The following DIS3L2 variants were observed in gnomAD, a reference collection of about 807,000 sequenced individuals.
DIS3L2 encodes the protein DIS3 like 3'-5' exoribonuclease 2, also known as DIS3-like exonuclease 2.
In DIS3L2, 34 loss-of-function variants were observed where a neutral mutation model predicts 97.5. The ratio of observed to expected loss-of-function variants is 0.35; its 90% confidence interval spans 0.27 to 0.46. The LOEUF is 0.46. DIS3L2 is among the 20% of genes least tolerant of loss of function. DIS3L2 has a pLI of 1.00. For synonymous variants in DIS3L2, 435 were observed against 445.2 expected (o/e 0.98, Z 0.29); for missense variants, 1,038 against 1,146.0 (o/e 0.91, Z 1.36).
At chr2:232,094,486 G>A (rs1038090525) in intron 6 of DIS3L2, among the ~76,000 whole-genome samples, 1 of 152,090 alleles carries the variant, frequency 6.6e-6, no homozygotes, top group African/African-American at 2.4e-5. Context: ...AGGAGGCCAA[G>A]GAAGGTGGAT....
chr2:232,095,804 T>G (rs1696989298), intron 6 of DIS3L2, among the ~76,000 whole-genome samples: 2 of 152,286 alleles, frequency 1.3e-5, no homozygotes, highest in South Asian at 4.1e-4. Context: ...TATTTCTCCT[T>G]GATGTTTGAA....
At chr2:232,041,466 G>A (rs1175761255) in intron 5 of DIS3L2, among the ~76,000 whole-genome samples, 2 of 152,184 alleles carry the variant, frequency 1.3e-5, no homozygotes, top group African/African-American at 2.4e-5. Flanking sequence ...CACTGGGCTA[G>A]GAGTCAAGGA....
intron 9 of DIS3L2, among the ~76,000 whole-genome samples, chr2:232,171,887 A>G (rs1489792413): frequency 6.6e-6 from 1 of 152,226 alleles, no homozygotes; most frequent in Non-Finnish European, 1.5e-5. Context: ...TCAAAGATCA[A>G]TAGATTTTTG....
intron 10 of DIS3L2, among the ~76,000 whole-genome samples, chr2:232,228,857 A>G (rs894955036): frequency 7.2e-5 from 11 of 152,198 alleles, no homozygotes; most frequent in African/African-American, 2.7e-4. Flanking sequence ...ACTCAAAACC[A>G]TTGTTACCTT....
chr2:232,323,763 G>A (rs1380692107), intron 14 of DIS3L2, among the ~76,000 whole-genome samples: 5 of 152,178 alleles, frequency 3.3e-5, no homozygotes, highest in African/African-American at 1.2e-4. Context: ...CAGAGGCCAC[G>A]GCACCCTCTG....
At chr2:231,976,628 C>CAA (rs763912124) in intron 1 of DIS3L2, among the ~76,000 whole-genome samples, 1 of 122,542 alleles carries the variant, frequency 8.2e-6, no homozygotes. Context: ...GACCCTCTCT[C>CAA]AAAAAAAAAA....
intron 9 of DIS3L2, among the ~76,000 whole-genome samples, chr2:232,187,529 G>A (rs1212890646): frequency 6.6e-6 from 1 of 151,952 alleles, no homozygotes; most frequent in South Asian, 2.1e-4. Flanking sequence ...TGCAACCTCC[G>A]CCTCCCAGGT....
chr2:232,130,572 T>C (rs747478295), intron 6 of DIS3L2, 47 bp from the exon 7 acceptor site: 4 of 1,567,598 alleles, frequency 2.6e-6, no homozygotes, highest in Middle Eastern at 1.7e-4. Context: ...CTAATTGATA[T>C]GCATCTGGTT....
At chr2:232,339,422 G>A (rs376051134), downstream of DIS3L2, among the ~76,000 whole-genome samples, 5 of 152,298 alleles carry the variant, frequency 3.3e-5, no homozygotes, top group Admixed American at 3.3e-4. Flanking sequence ...CCAGGTGCCA[G>A]GAGGAAGGGC....
intron 14 of DIS3L2, among the ~76,000 whole-genome samples, chr2:232,311,224 A>C (rs12612231): frequency 6.6e-6 from 1 of 152,140 alleles, no homozygotes; most frequent in African/African-American, 2.4e-5. Context: ...GTGTACACAC[A>C]CAGGAACACT....
chr2:232,216,087 C>G (rs995310027), intron 10 of DIS3L2, among the ~76,000 whole-genome samples: 1 of 152,258 alleles, frequency 6.6e-6, no homozygotes, highest in Non-Finnish European at 1.5e-5. Flanking sequence ...CTAGAACTTT[C>G]ACTTGTGTCT....
chr2:232,079,599 CAAAAAAAAA>C (rs760870721), intron 5 of DIS3L2, among the ~76,000 whole-genome samples: 4 of 29,614 alleles, frequency 1.4e-4, no homozygotes, highest in African/African-American at 5.2e-4. Context: ...GACTCTATCT[CAAAAAAAAA>C]AAAAAAAAAA....
chr2:232,272,057 A>G (rs1282983967), intron 13 of DIS3L2, among the ~76,000 whole-genome samples: 1 of 152,216 alleles, frequency 6.6e-6, no homozygotes, highest in Non-Finnish European at 1.5e-5. Context: ...GTCATTAAGC[A>G]TCAGATTCAT....
At chr2:232,014,165 A>C (rs1694288253) in intron 1 of DIS3L2, among the ~76,000 whole-genome samples, 1 of 152,210 alleles carries the variant, frequency 6.6e-6, no homozygotes, top group African/African-American at 2.4e-5. Flanking sequence ...CAGCCTGCTG[A>C]TCCTGGCAGC....
intron 3 of DIS3L2, 62 bp downstream of exon 3, chr2:232,015,733 A>G (rs1694336727): frequency 1.9e-6 from 3 of 1,579,294 alleles, no homozygotes; most frequent in Non-Finnish European, 2.6e-6. Context: ...AATCTATTAA[A>G]CTGTTTCCTG....
chr2:232,264,727 TTC>T (rs1188865551), intron 13 of DIS3L2, among the ~76,000 whole-genome samples: 1 of 152,190 alleles, frequency 6.6e-6, no homozygotes, highest in Non-Finnish European at 1.5e-5. Flanking sequence ...CTGATTGAAG[TTC>T]TGATTTTATC....
chr2:232,301,048 T>C lies in DIS3L2; in HGVS notation c.1739+929T>C, dbSNP rs1006408720. On this transcript the variant is annotated intron_variant, in intron 14 of 20. Coordinates refer to ENST00000325385, the MANE Select transcript of DIS3L2 (RefSeq NM_152383.5). ...AACTGTGCCCCGATGATGACAATGA[T>C]GGTAATGACAGCGGCTACCATTGAG... Among the ~76,000 whole-genome samples, 2 of 152,140 alleles carry C rather than the reference T, an allele frequency of 1.3e-5. 1 individual carries two copies. Among genetic ancestry groups the C allele is most frequent in the African/African-American group, 4.8e-5 (2 of 41,422 alleles).
intron 14 of DIS3L2, among the ~76,000 whole-genome samples, chr2:232,321,424 C>T (rs1299012877): frequency 6.6e-6 from 1 of 152,226 alleles, no homozygotes; most frequent in Non-Finnish European, 1.5e-5. Context: ...TGAGGCCCAG[C>T]TGTCACCCAG....
chr2:232,059,867 C>G (rs1194472172), intron 5 of DIS3L2, among the ~76,000 whole-genome samples: 2 of 152,042 alleles, frequency 1.3e-5, no homozygotes, highest in African/African-American at 4.8e-5. Context: ...ACCACATTTT[C>G]TTTATCCAGT....
Sources: allele counts gnomAD v4.1 joint callset (sites outside exome capture counted in the v4.1 genomes callset), GRCh38; gene constraint gnomAD v4.1.1; transcripts MANE v1.5; gene names NCBI Gene and HGNC (gene_info 2026-07-23, HGNC 2026-07-21).